S100Z: variants seen among roughly 807,000 people sequenced by gnomAD.
The protein encoded by S100Z is protein S100-Z.
S100Z carries 11 observed loss-of-function variants against 8.5 expected under a neutral mutation model. That is an observed-to-expected ratio of 1.30 (90% CI 0.82 to 2.15). The LOEUF (loss-of-function observed/expected upper bound fraction) is 2.15, where lower values mean the gene tolerates loss of function less well. Ranked by LOEUF, S100Z falls within the 30% of genes most tolerant of loss-of-function variation. S100Z has a pLI of 0.00. For missense variants in S100Z, 126 were observed against 117.9 expected, an observed-to-expected ratio of 1.07 and a Z score of -0.32; for synonymous variants, 34 against 43.8, an observed-to-expected ratio of 0.78 and a Z score of 0.89.
intron 1 of S100Z, among the ~76,000 whole-genome samples, chr5:76,866,588 T>C (rs1304183849): frequency 6.6e-6 from 1 of 152,222 alleles, no homozygotes; most frequent in African/African-American, 2.4e-5. Context: ...TTTTATCTTT[T>C]ATACATATTT....
chr5:76,936,374 T>C, the S100Z span, among the ~76,000 whole-genome samples: 4 of 152,270 alleles, frequency 2.6e-5, no homozygotes, highest in South Asian at 6.2e-4. Context: ...AGAAAAATTA[T>C]GTACATATCT....
chr5:76,874,758 AT>A lies in S100Z; in HGVS notation c.-56-545del, dbSNP rs1743118827. 2.6e-5 allele frequency among the ~76,000 whole-genome samples: 4 copies of A among 152,220 alleles called. No individual in the cohort carries two copies. In the South Asian group the frequency reaches 8.3e-4, roughly 32 times the overall value. ...TACCTGTTACCTGGTTGTCTTATGAATATGCTGGAGCTGCTACCTCTTGGGG... is the reference window on the plus strand; with the variant it reads ...TACCTGTTACCTGGTTGTCTTATGAAATGCTGGAGCTGCTACCTCTTGGGG... On this transcript the variant is annotated intron_variant, in intron 2 of 4. Coordinates refer to ENST00000317593, the MANE Select transcript of S100Z (RefSeq NM_130772.4).
intron 4 of S100Z, among the ~76,000 whole-genome samples, chr5:76,889,452 C>T (rs1158454755): frequency 6.6e-6 from 1 of 152,184 alleles, no homozygotes; most frequent in East Asian, 1.9e-4. Flanking sequence ...CGACATTTCG[C>T]AGGGGCCTTT....
chr5:76,923,008 C>G (rs1209488123), downstream of S100Z, among the ~76,000 whole-genome samples: 1 of 120,616 alleles, frequency 8.3e-6, no homozygotes, highest in African/African-American at 3.3e-5. Context: ...CCTACAATGC[C>G]TATGTAAAAA....
the S100Z span, among the ~76,000 whole-genome samples, chr5:76,941,318 G>A: frequency 1.3e-5 from 2 of 152,180 alleles, no homozygotes; most frequent in Non-Finnish European, 2.9e-5. Flanking sequence ...TGCCCTGGGA[G>A]GGACCCGGCA....
the S100Z span, among the ~76,000 whole-genome samples, chr5:76,941,514 T>C: frequency 4.8e-4 from 73 of 152,224 alleles, no homozygotes; most frequent in Non-Finnish European, 8.5e-4. Flanking sequence ...TCCCCAGCCA[T>C]GTAAAACTGT....
At chr5:76,866,712 G>T (rs1742746598) in intron 1 of S100Z, among the ~76,000 whole-genome samples, 1 of 152,196 alleles carries the variant, frequency 6.6e-6, no homozygotes, top group Admixed American at 6.5e-5. Context: ...AATAGGCTAT[G>T]CCATATGGCC....
At chr5:76,895,357 T>C (rs1254126847) in intron 4 of S100Z, among the ~76,000 whole-genome samples, 1 of 152,116 alleles carries the variant, frequency 6.6e-6, no homozygotes, top group Admixed American at 6.6e-5. Flanking sequence ...GGAAATTATC[T>C]AAAGGAGGAG....
chr5:76,905,348 A>T (rs1413625301), intron 4 of S100Z, among the ~76,000 whole-genome samples: 1 of 151,040 alleles, frequency 6.6e-6, no homozygotes, highest in Non-Finnish European at 1.5e-5. Flanking sequence ...TTTCTTGAAA[A>T]TTTTTTTACA....
At chr5:76,895,073 G>C (rs551178451) in intron 4 of S100Z, among the ~76,000 whole-genome samples, 88 of 152,044 alleles carry the variant, frequency 5.8e-4, no homozygotes, top group Middle Eastern at 6.8e-3. Flanking sequence ...CACTTATTTA[G>C]CCATGCGTGG....
At chr5:76,885,442 C>A (rs1332263664) in intron 4 of S100Z, among the ~76,000 whole-genome samples, 2 of 51,904 alleles carry the variant, frequency 3.9e-5, no homozygotes, top group East Asian at 4.5e-4. Flanking sequence ...GTGGGAGGTG[C>A]TTGTCCCCAG....
downstream of S100Z, among the ~76,000 whole-genome samples, chr5:76,925,929 T>C (rs1210421368): frequency 2.0e-5 from 3 of 152,166 alleles, no homozygotes; most frequent in African/African-American, 7.2e-5. Flanking sequence ...ATTGTGTCAA[T>C]GCATTCCAGC....
chr5:76,928,636 A>G, the S100Z span, among the ~76,000 whole-genome samples: 2 of 152,246 alleles, frequency 1.3e-5, no homozygotes, highest in African/African-American at 4.8e-5. Flanking sequence ...CAGGCTCAGT[A>G]AAAAACAGAA....
chr5:76,951,124 G>A, the S100Z span, among the ~76,000 whole-genome samples: 3 of 152,076 alleles, frequency 2.0e-5, no homozygotes, highest in African/African-American at 2.4e-5. Context: ...AATTTGGTGG[G>A]AATGAGGTCC....
At chr5:76,938,832 T>C in the S100Z span, among the ~76,000 whole-genome samples, 1 of 152,166 alleles carries the variant, frequency 6.6e-6, no homozygotes, top group Admixed American at 6.5e-5. Flanking sequence ...TTTAAACTAA[T>C]AGAATGTGCC....
chr5:76,899,079 G>T (rs1744144511), intron 4 of S100Z, among the ~76,000 whole-genome samples: 1 of 151,904 alleles, frequency 6.6e-6, no homozygotes, highest in Non-Finnish European at 1.5e-5. Context: ...TAGTAGCTGG[G>T]ATTACAGACA....
intron 4 of S100Z, among the ~76,000 whole-genome samples, chr5:76,912,945 T>G (rs142410924): frequency 1.3e-5 from 1 of 78,864 alleles, no homozygotes; most frequent in African/African-American, 4.9e-5. Context: ...ACAGAGAGAG[T>G]CAGAGAGAGG....
chr5:76,950,259 C>T, the S100Z span, among the ~76,000 whole-genome samples: 1 of 152,196 alleles, frequency 6.6e-6, no homozygotes, highest in Non-Finnish European at 1.5e-5. Flanking sequence ...CAACTTCTAA[C>T]TTGCGTGCAT....
chr5:76,860,777 T>C (rs908731494), intron 1 of S100Z, among the ~76,000 whole-genome samples: 1 of 152,218 alleles, frequency 6.6e-6, no homozygotes, highest in Non-Finnish European at 1.5e-5. Flanking sequence ...TAAATTTTCA[T>C]TTCCTTGATT....
Sources: allele counts gnomAD v4.1 joint callset (sites outside exome capture counted in the v4.1 genomes callset), GRCh38; gene constraint gnomAD v4.1.1; transcripts MANE v1.5; gene names NCBI Gene and HGNC (gene_info 2026-07-23, HGNC 2026-07-21).